The following CDH18 variants were observed in gnomAD, a reference collection of about 807,000 sequenced individuals.
CDH18 encodes the protein cadherin-18.
CDH18 carries 31 observed loss-of-function variants against 67.9 expected under a neutral mutation model. The observed-to-expected ratio is 0.46, with a 90% confidence interval of 0.34 to 0.62. The LOEUF (loss-of-function observed/expected upper bound fraction) is 0.62. CDH18 is among the 20% of genes least tolerant of loss of function. The pLI is 0.01. For missense variants in CDH18, 890 were observed against 975.5 expected, an observed-to-expected ratio of 0.91 and a Z score of 1.17; for synonymous variants, 362 against 347.2, an observed-to-expected ratio of 1.04 and a Z score of -0.48.
chr5:20,413,895 TAA>T (rs1457781395), intron 1 of CDH18, among the ~76,000 whole-genome samples: 67 of 152,210 alleles, frequency 4.4e-4, no homozygotes, highest in Non-Finnish European at 8.8e-4. Flanking sequence ...CCCATGCCTG[TAA>T]CCTGAATGGT....
intron 3 of CDH18, among the ~76,000 whole-genome samples, chr5:19,748,880 A>G (rs1359291462): frequency 6.6e-6 from 1 of 152,172 alleles, no homozygotes; most frequent in Non-Finnish European, 1.5e-5. Flanking sequence ...TTACCAGGAC[A>G]AAATTTTGAC....
At chr5:19,890,054 A>C (rs1788623605) in intron 2 of CDH18, among the ~76,000 whole-genome samples, 1 of 152,158 alleles carries the variant, frequency 6.6e-6, no homozygotes, top group Non-Finnish European at 1.5e-5. Flanking sequence ...AGCTTACCAC[A>C]AAACAAATTA....
intron 1 of CDH18, among the ~76,000 whole-genome samples, chr5:20,474,828 G>A (rs1752326612): frequency 1.3e-5 from 2 of 152,132 alleles, no homozygotes; most frequent in Non-Finnish European, 1.5e-5. Flanking sequence ...AGCTAAGAAT[G>A]TGAATTCATT....
intron 2 of CDH18, among the ~76,000 whole-genome samples, chr5:19,898,324 C>A (rs1789565504): frequency 6.8e-6 from 1 of 148,076 alleles, no homozygotes; most frequent in South Asian, 2.2e-4. Context: ...TCCTATTTTA[C>A]ATGTAGTCCA....
At chr5:19,703,849 G>A (rs1236166852) in intron 5 of CDH18, among the ~76,000 whole-genome samples, 2 of 152,092 alleles carry the variant, frequency 1.3e-5, no homozygotes, top group Admixed American at 6.6e-5. Context: ...TTTGTAATGG[G>A]ACTGTTAAAG....
At chr5:20,212,173 G>A (rs933282397) in intron 2 of CDH18, among the ~76,000 whole-genome samples, 3 of 152,136 alleles carry the variant, frequency 2.0e-5, no homozygotes, top group African/African-American at 4.8e-5. Context: ...CTGGAAGAAA[G>A]GGTATCAGTG....
At chr5:19,689,925 T>A (rs1347035042) in intron 5 of CDH18, among the ~76,000 whole-genome samples, 2 of 151,676 alleles carry the variant, frequency 1.3e-5, no homozygotes, top group Non-Finnish European at 3.0e-5. Flanking sequence ...GGATAAAGAT[T>A]TTCCATACAA....
intron 2 of CDH18, among the ~76,000 whole-genome samples, chr5:20,039,099 TACGA>T (rs1428906601): frequency 2.6e-5 from 4 of 151,824 alleles, no homozygotes; most frequent in Non-Finnish European, 5.9e-5. Flanking sequence ...TCGCAATTGC[TACGA>T]AGAGAATAAA....
At chr5:19,473,757 G>C in intron 12 of CDH18, 41 bp from the exon 13 acceptor site, 1 of 1,470,448 alleles carries the variant, frequency 6.8e-7, no homozygotes, top group African/African-American at 1.4e-5. Context: ...TAAGAAAACA[G>C]GAAGGAAATT....
chr5:19,888,749 T>C (rs1024383303), intron 2 of CDH18, among the ~76,000 whole-genome samples: 3 of 152,158 alleles, frequency 2.0e-5, no homozygotes, highest in Non-Finnish European at 4.4e-5. Flanking sequence ...TCATATTTCA[T>C]GTTCTTTGCA....
At chr5:20,569,440 G>A (rs1487171486) in intron 1 of CDH18, among the ~76,000 whole-genome samples, 1 of 152,012 alleles carries the variant, frequency 6.6e-6, no homozygotes, top group African/African-American at 2.4e-5. Flanking sequence ...GGCCAATATG[G>A]GGAAACCCCA....
intron 11 of CDH18, among the ~76,000 whole-genome samples, chr5:19,490,399 T>TTG (rs1561183449): frequency 1.7e-5 from 1 of 57,700 alleles, no homozygotes; most frequent in African/African-American, 6.2e-5. Context: ...AATCTGTTTT[T>TTG]TTTTTTTTTT....
At chr5:20,083,408 T>G (rs976859238) in intron 2 of CDH18, among the ~76,000 whole-genome samples, 2 of 152,184 alleles carry the variant, frequency 1.3e-5, no homozygotes, top group Admixed American at 1.3e-4. Flanking sequence ...TGTTTATTTT[T>G]TTTAACAAAT....
intron 2 of CDH18, among the ~76,000 whole-genome samples, chr5:20,223,603 ACTTAT>A (rs1741394395): frequency 6.6e-6 from 1 of 152,080 alleles, no homozygotes; most frequent in South Asian, 2.1e-4. Flanking sequence ...CCCACCCAAA[ACTTAT>A]CTTGAATTTT....
intron 5 of CDH18, among the ~76,000 whole-genome samples, chr5:19,650,729 G>A (rs1213811860): frequency 6.6e-6 from 1 of 151,994 alleles, no homozygotes; most frequent in Non-Finnish European, 1.5e-5. Context: ...TCAATTAGGG[G>A]AAAATTAAAC....
chr5:20,305,844 G>T (rs1736398382), intron 1 of CDH18: 5 of 213,252 alleles, frequency 2.3e-5, no homozygotes, highest in South Asian at 1.6e-4. Flanking sequence ...TTCTGAACTG[G>T]GTTGAACACA....
chr5:19,519,851 C>T (rs566878452), intron 10 of CDH18, among the ~76,000 whole-genome samples: 101 of 152,134 alleles, frequency 6.6e-4, no homozygotes, highest in Middle Eastern at 3.4e-3. Context: ...TCCCAACAGC[C>T]CTATGAACTT....
chr5:20,252,162 G>A (rs751384769), intron 2 of CDH18, among the ~76,000 whole-genome samples: 9 of 151,914 alleles, frequency 5.9e-5, no homozygotes, highest in African/African-American at 1.5e-4. Flanking sequence ...GATCATCCTG[G>A]CCAACATGTA....
chr5:19,826,264 T>C (rs1581526211), intron 3 of CDH18, among the ~76,000 whole-genome samples: 1 of 151,986 alleles, frequency 6.6e-6, no homozygotes, highest in African/African-American at 2.4e-5. Context: ...AGTGGCTCGC[T>C]GAAAGAGAGG....
Sources: gnomAD v4.1 joint callset for allele counts (sites outside exome capture counted in the v4.1 genomes callset) on GRCh38, gnomAD v4.1.1 for gene constraint, MANE v1.5 for transcripts, NCBI Gene and HGNC (gene_info 2026-07-23, HGNC 2026-07-21) for gene names.